ARHGEF12: variants seen among roughly 807,000 people sequenced by gnomAD.
ARHGEF12 encodes KMT2A/ARHGEF12 fusion protein.
Under a neutral mutation model 211.2 loss-of-function variants are expected in ARHGEF12, and 66 were observed. That is an observed-to-expected ratio of 0.31 (90% confidence interval 0.26 to 0.38). The LOEUF (loss-of-function observed/expected upper bound fraction) is 0.38, where lower values mean the gene tolerates loss of function less well. Ranked by LOEUF, ARHGEF12 falls within the 10% of genes least tolerant of loss-of-function variation. The pLI is 1.00. For missense variants in ARHGEF12, 1,429 were observed against 1,869.5 expected (o/e 0.76, Z 4.34); for synonymous variants, 592 against 638.4 (o/e 0.93, Z 1.09).
chr11:120,489,516 C>G lies in ARHGEF12; in HGVS notation c.*4439C>G, dbSNP rs1947481465. ...CCCAGTGCTGGGCTTCTTCACATACCAACATTTCTGTGCTTTTACCAACAG... is the reference window on the plus strand; with the variant it reads ...CCCAGTGCTGGGCTTCTTCACATACGAACATTTCTGTGCTTTTACCAACAG... On this transcript the variant is annotated 3_prime_UTR_variant, in exon 41 of 41. Coordinates refer to ENST00000397843, the MANE Select transcript of ARHGEF12 (RefSeq NM_015313.3). 9.0e-6 allele frequency: 2 copies of G among 221,616 alleles called. No homozygotes were observed. The highest frequency in any genetic ancestry group is 3.7e-4 in the South Asian group (2 of 5,426). 13.7% of individuals were successfully genotyped at this position (221,616 alleles called of 1,614,324 possible).
chr11:120,479,404 AATAACTCT>A (rs1261994227), intron 37 of ARHGEF12, among the ~76,000 whole-genome samples: 1 of 152,236 alleles, frequency 6.6e-6, no homozygotes, highest in Non-Finnish European at 1.5e-5. Context: ...ACATTGTCCC[AATAACTCT>A]ATCATTGTCT....
chr11:120,428,653 A>T (rs1945429737), intron 8 of ARHGEF12, among the ~76,000 whole-genome samples: 2 of 152,232 alleles, frequency 1.3e-5, no homozygotes, highest in Non-Finnish European at 2.9e-5. Flanking sequence ...AGTCAAGAGT[A>T]TACAAGTAAC....
intron 18 of ARHGEF12, among the ~76,000 whole-genome samples, chr11:120,447,451 CT>C (rs1946077924): frequency 6.6e-6 from 1 of 152,032 alleles, no homozygotes; most frequent in Admixed American, 6.6e-5. Context: ...GATCAGGGTT[CT>C]TTTGGTATTT....
intron 37 of ARHGEF12, 133 bp from the exon 38 acceptor site, chr11:120,479,823 ATAAT>A (rs1947174166): frequency 4.3e-6 from 3 of 692,884 alleles, no homozygotes; most frequent in East Asian, 5.5e-5. Context: ...TATGAAATTA[ATAAT>A]TAACATTTTA....
chr11:120,362,703 G>A lies in ARHGEF12; in HGVS notation c.32+25428G>A, dbSNP rs113497001. On this transcript the variant is annotated intron_variant, in intron 1 of 40. Transcript: ENST00000397843. ...TTCTAGATTATTATGAATGTCTTTC[G>A]TTTCTTGCTCCACTCTAAGGAAACA... Among the ~76,000 whole-genome samples, 14 of 152,162 alleles carry A rather than the reference G, an allele frequency of 9.2e-5. No individual in the cohort carries two copies. In the South Asian group the frequency reaches 1.0e-3, roughly 11 times the overall value.
Position 120,451,663 on chromosome 11 carries a change from C to T in ARHGEF12, c.1995C>T (p.Ser665=), listed in dbSNP as rs1946219678. 1.2e-6 allele frequency: 2 copies of T among 1,614,084 alleles called. No homozygotes were observed. Among genetic ancestry groups the T allele is most frequent in the Non-Finnish European group, 1.7e-6 (2 of 1,180,004 alleles). ...ACGCTGGATACCTGCCTGCCAATTCCATGTCTTCTGTAGCTTCAGGGGCCT... is the reference window on the plus strand; with the variant it reads ...ACGCTGGATACCTGCCTGCCAATTCTATGTCTTCTGTAGCTTCAGGGGCCT... ...GTDAGYLPAN[S]MSSVASGASF... Residue 665 remains serine (S), a synonymous_variant, in exon 22 of 41, where the codon TCC becomes TCT. Coordinates refer to ENST00000397843, the MANE Select transcript of ARHGEF12 (RefSeq NM_015313.3).
At chr11:120,345,134 C>A (rs12361632) in intron 1 of ARHGEF12, among the ~76,000 whole-genome samples, 33 of 152,092 alleles carry the variant, frequency 2.2e-4, no homozygotes, top group African/African-American at 8.0e-4. Context: ...TTTCAGCAGC[C>A]TGAAGCCATG....
chr11:120,342,390 A>G (rs946595224), intron 1 of ARHGEF12, among the ~76,000 whole-genome samples: 2 of 152,056 alleles, frequency 1.3e-5, no homozygotes, highest in African/African-American at 4.8e-5. Context: ...TTGTCCTGTT[A>G]CTTGTATGTA....
At chr11:120,461,571 A>T (rs1005522862) in intron 27 of ARHGEF12, among the ~76,000 whole-genome samples, 4 of 152,184 alleles carry the variant, frequency 2.6e-5, no homozygotes, top group Non-Finnish European at 4.4e-5. Context: ...ATTGGCCCCT[A>T]ACAAGAGAGC....
chr11:120,402,915 C>A (rs1490137305), intron 1 of ARHGEF12, among the ~76,000 whole-genome samples: 1 of 152,190 alleles, frequency 6.6e-6, no homozygotes, highest in African/African-American at 2.4e-5. Flanking sequence ...TATTAAAGGA[C>A]TATTCCAGTT....
rs1199440515 is a variant in ARHGEF12, at chr11:120,465,290, T to C, written c.2667T>C (p.Ser889=). ...KLKHAAATFC[S]NQPFALEMIK... ...AACATGCTGCTGCTACCTTTTGCAGTAACCAACCTTTCGCCCTGGAAATGA... is the reference window on the plus strand; with the variant it reads ...AACATGCTGCTGCTACCTTTTGCAGCAACCAACCTTTCGCCCTGGAAATGA... Residue 889 remains serine, a synonymous_variant, in exon 28 of 41, where the codon AGT becomes AGC. Transcript: ENST00000397843. 6.2e-6 allele frequency: 10 copies of C among 1,614,024 alleles called. No individual in the cohort carries two copies. The African/African-American group carries it at 9.3e-5, about 15-fold the overall frequency.
rs192339167 is a variant in ARHGEF12, at chr11:120,448,407, G to A, written c.1737+59G>A. On this transcript the variant is annotated intron_variant, in intron 20 of 40. Coordinates refer to ENST00000397843, the MANE Select transcript of ARHGEF12 (RefSeq NM_015313.3). The stretch of plus-strand genomic sequence containing the variant: ...CCTTAGGGCTTCTTTACATTTGGTT[G>A]CAGTGTCTTCCATCATCTTAGTATT... 2.8e-4 allele frequency: 362 copies of A among 1,299,068 alleles called. 4 individuals are homozygous for A. The African/African-American group carries it at 4.6e-3, about 17-fold the overall frequency. The allele number at this position is 1,299,068 out of a possible 1,614,324, so 80.5% of individuals were successfully genotyped here.
chr11:120,385,339 C>G (rs1046704999), intron 1 of ARHGEF12: 2 of 985,154 alleles, frequency 2.0e-6, no homozygotes, highest in African/African-American at 1.7e-5. Context: ...CTGACAAATG[C>G]CTTTCCAAGG....
At chr11:120,456,786 G>A (rs1196827816) in intron 22 of ARHGEF12, among the ~76,000 whole-genome samples, 1 of 152,136 alleles carries the variant, frequency 6.6e-6, no homozygotes, top group African/African-American at 2.4e-5. Flanking sequence ...TTGAGCCCAG[G>A]AATTCAAGAC....
At chr11:120,381,787 G>A (rs1444805331) in intron 1 of ARHGEF12, among the ~76,000 whole-genome samples, 1 of 152,090 alleles carries the variant, frequency 6.6e-6, no homozygotes. Context: ...ATGTCCCCCT[G>A]TGCATCCCGT....
At chr11:120,407,955 T>A in intron 3 of ARHGEF12, 132 bp downstream of exon 3, 1 of 705,910 alleles carries the variant, frequency 1.4e-6, no homozygotes, top group Non-Finnish European at 2.3e-6. Flanking sequence ...TCCAATTATA[T>A]CATAATAAAG....
At chr11:120,415,931 C>G (rs1945015166) in intron 4 of ARHGEF12, among the ~76,000 whole-genome samples, 1 of 152,144 alleles carries the variant, frequency 6.6e-6, no homozygotes, top group Non-Finnish European at 1.5e-5. Flanking sequence ...GTGGCTAATA[C>G]AGTGGATTTG....
At chr11:120,342,989 T>TAA (rs1472535706) in intron 1 of ARHGEF12, among the ~76,000 whole-genome samples, 1 of 152,220 alleles carries the variant, frequency 6.6e-6, no homozygotes, top group Non-Finnish European at 1.5e-5. Flanking sequence ...CCTCGATGTT[T>TAA]GGTTTATTTT....
At chr11:120,468,738 A>G (rs1349216820) in intron 29 of ARHGEF12, among the ~76,000 whole-genome samples, 5 of 152,034 alleles carry the variant, frequency 3.3e-5, no homozygotes, top group African/African-American at 4.8e-5. Context: ...GGCATGAGCC[A>G]CCTTGCCTTG....
Sources: allele counts gnomAD v4.1 joint callset (sites outside exome capture counted in the v4.1 genomes callset), GRCh38; gene constraint gnomAD v4.1.1; transcripts MANE v1.5; gene names NCBI Gene and HGNC (gene_info 2026-07-23, HGNC 2026-07-21).